Variants in DLG2 observed in about 807,000 individuals in gnomAD.
DLG2 encodes the protein disks large homolog 2.
DLG2 carries 45 observed loss-of-function variants against 132.5 expected under a neutral mutation model. The ratio of observed to expected loss-of-function variants is 0.34; its 90% CI spans 0.27 to 0.44. The LOEUF is 0.44. Ranked by LOEUF, DLG2 falls within the 20% of genes least tolerant of loss-of-function variation. The pLI is 1.00. For synonymous variants in DLG2, 424 were observed against 419.6 expected, an observed-to-expected ratio of 1.01 and a Z score of -0.13; for missense variants, 1,045 against 1,196.9, an observed-to-expected ratio of 0.87 and a Z score of 1.87.
At chr11:84,570,575 A>C (rs2099478475) in intron 6 of DLG2, among the ~76,000 whole-genome samples, 1 of 152,158 alleles carries the variant, frequency 6.6e-6, no homozygotes, top group Non-Finnish European at 1.5e-5. Context: ...ATAGCACATA[A>C]GAACGACATA....
intron 5 of DLG2, among the ~76,000 whole-genome samples, chr11:85,140,860 C>G (rs2076423503): frequency 6.6e-6 from 1 of 151,910 alleles, no homozygotes; most frequent in Admixed American, 6.6e-5. Flanking sequence ...AGGTTTCTTT[C>G]ACTTAACATA....
Position 84,945,099 on chromosome 11 carries a change from G to A in DLG2, c.357+166562C>T, listed in dbSNP as rs150907116. On this transcript the variant is annotated intron_variant, in intron 6 of 27. Transcript: ENST00000376104. Reference sequence around the variant, plus strand: ...GTAGATGGTCTTAATGCTAGTGGATGTTGGTCAATGTCTGGACATTGAAGA... The same window carrying A: ...GTAGATGGTCTTAATGCTAGTGGATATTGGTCAATGTCTGGACATTGAAGA... Among the ~76,000 whole-genome samples, 602 of 152,324 alleles carry A rather than the reference G, an allele frequency of 4.0e-3. 29 individuals are homozygous for A. The highest frequency in any genetic ancestry group is 0.031 in the Admixed American group (474 of 15,306).
At chr11:84,619,181 C>A (rs188974900) in intron 6 of DLG2, among the ~76,000 whole-genome samples, 263 of 151,778 alleles carry the variant, frequency 1.7e-3, no homozygotes, top group Non-Finnish European at 3.0e-3. Context: ...AAAAAGTTTT[C>A]TAGATATTAT....
chr11:85,001,195 G>A (rs2058175574), intron 6 of DLG2, among the ~76,000 whole-genome samples: 1 of 151,522 alleles, frequency 6.6e-6, no homozygotes, highest in African/African-American at 2.4e-5. Context: ...CCACGTTCAA[G>A]TTATCCTCCT....
chr11:85,523,960 G>A (rs529577740), intron 3 of DLG2, among the ~76,000 whole-genome samples: 9 of 152,206 alleles, frequency 5.9e-5, no homozygotes, highest in South Asian at 2.1e-4. Flanking sequence ...AGGTCATTAC[G>A]TAAAGTTAAA....
intron 3 of DLG2, among the ~76,000 whole-genome samples, chr11:85,384,990 G>C (rs2086207992): frequency 6.6e-6 from 1 of 152,190 alleles, no homozygotes; most frequent in South Asian, 2.1e-4. Flanking sequence ...TTAGCTCATA[G>C]TGGGAGCTCA....
intron 3 of DLG2, among the ~76,000 whole-genome samples, chr11:85,512,228 C>T (rs527725798): frequency 3.2e-4 from 48 of 152,118 alleles, no homozygotes; most frequent in Non-Finnish European, 6.3e-4. Context: ...CAAAGAACTC[C>T]AACCTGGTGC....
intron 8 of DLG2, among the ~76,000 whole-genome samples, chr11:84,233,138 G>C (rs1442005866): frequency 6.6e-6 from 1 of 152,188 alleles, no homozygotes; most frequent in Admixed American, 6.5e-5. Context: ...TAGCTAGTCA[G>C]ACATGAGCAG....
chr11:85,296,999 A>G (rs1356236599), intron 3 of DLG2, among the ~76,000 whole-genome samples: 1 of 151,210 alleles, frequency 6.6e-6, no homozygotes, highest in African/African-American at 2.4e-5. Flanking sequence ...ATTATAGTAC[A>G]GATATAATCA....
intron 15 of DLG2, among the ~76,000 whole-genome samples, chr11:83,902,138 T>C (rs892161322): frequency 6.6e-6 from 1 of 152,184 alleles, no homozygotes; most frequent in Admixed American, 6.5e-5. Context: ...TATGTCCCTC[T>C]GCATATTCTA....
chr11:84,846,473 T>G (rs1453729672), intron 6 of DLG2, among the ~76,000 whole-genome samples: 1 of 152,176 alleles, frequency 6.6e-6, no homozygotes, highest in Non-Finnish European at 1.5e-5. Flanking sequence ...ATTTCTTGAA[T>G]AGTTTACTGC....
chr11:84,231,552 T>A (rs1331458089), intron 8 of DLG2, among the ~76,000 whole-genome samples: 1 of 152,092 alleles, frequency 6.6e-6, no homozygotes, highest in South Asian at 2.1e-4. Context: ...ATTGTGTTCA[T>A]GGAAATCATC....
At chr11:83,588,719 T>G (rs1448657312) in intron 19 of DLG2, among the ~76,000 whole-genome samples, 34 of 151,424 alleles carry the variant, frequency 2.2e-4, no homozygotes, top group Middle Eastern at 3.4e-3. Context: ...TCAAACCAAA[T>G]GCAAAGAAGT....
intron 14 of DLG2, among the ~76,000 whole-genome samples, chr11:83,959,892 T>C (rs998389223): frequency 6.6e-6 from 1 of 152,106 alleles, no homozygotes; most frequent in Non-Finnish European, 1.5e-5. Flanking sequence ...AGCAATAATA[T>C]ATATTACAGC....
chr11:84,395,576 C>A (rs1230656230), intron 7 of DLG2, among the ~76,000 whole-genome samples: 1 of 152,134 alleles, frequency 6.6e-6, no homozygotes, highest in Non-Finnish European at 1.5e-5. Flanking sequence ...CACCACCACA[C>A]CTTTCTAATT....
chr11:84,393,544 G>A (rs1264100255), intron 7 of DLG2, among the ~76,000 whole-genome samples: 1 of 152,058 alleles, frequency 6.6e-6, no homozygotes, highest in Non-Finnish European at 1.5e-5. Context: ...AATGTGACTT[G>A]CCTATTTCTC....
chr11:84,275,389 C>T (rs2097774756), intron 7 of DLG2, among the ~76,000 whole-genome samples: 3 of 151,496 alleles, frequency 2.0e-5, no homozygotes. Context: ...GAGTCTCGCT[C>T]TGTCGCCCAG....
At chr11:84,479,888 A>G (rs2099132129) in intron 7 of DLG2, among the ~76,000 whole-genome samples, 1 of 152,180 alleles carries the variant, frequency 6.6e-6, no homozygotes, top group South Asian at 2.1e-4. Context: ...GCAATTATTT[A>G]TCTCAGGGAG....
At chr11:84,850,090 A>G (rs2081997406) in intron 6 of DLG2, among the ~76,000 whole-genome samples, 1 of 152,118 alleles carries the variant, frequency 6.6e-6, no homozygotes, top group African/African-American at 2.4e-5. Flanking sequence ...ATTTCTGACT[A>G]ATTAATGCCC....
Sources: gnomAD v4.1 joint callset for allele counts (sites outside exome capture counted in the v4.1 genomes callset) on GRCh38, gnomAD v4.1.1 for gene constraint, MANE v1.5 for transcripts, NCBI Gene and HGNC (gene_info 2026-07-23, HGNC 2026-07-21) for gene names.